The following GALNT13 variants were observed in gnomAD, a reference collection of about 807,000 sequenced individuals.
GALNT13 encodes polypeptide N-acetylgalactosaminyltransferase 13.
GALNT13 carries 28 observed loss-of-function variants against 64.2 expected under a neutral mutation model. The ratio of observed to expected loss-of-function variants is 0.44; its 90% CI spans 0.32 to 0.60. The LOEUF is 0.60. GALNT13 is among the 20% of genes least tolerant of loss of function. The pLI, the probability that GALNT13 is intolerant of heterozygous loss-of-function variation, is 0.05. For missense variants in GALNT13, 577 were observed against 669.8 expected, an observed-to-expected ratio of 0.86 and a Z score of 1.53; for synonymous variants, 214 against 224.6, an observed-to-expected ratio of 0.95 and a Z score of 0.42.
At chr2:153,943,178 C>T (rs1175399568) in intron 2 of GALNT13, among the ~76,000 whole-genome samples, 1 of 152,018 alleles carries the variant, frequency 6.6e-6, no homozygotes, top group East Asian at 1.9e-4. Flanking sequence ...ATAAATAAAA[C>T]AAATAAGTGT....
the GALNT13 span, among the ~76,000 whole-genome samples, chr2:153,589,783 C>G: frequency 2.0e-5 from 3 of 152,174 alleles, no homozygotes; most frequent in African/African-American, 7.2e-5. Flanking sequence ...GAGAACAGCA[C>G]GGGAAAGATT....
the GALNT13 span, among the ~76,000 whole-genome samples, chr2:153,078,083 A>G: frequency 1.8e-4 from 27 of 150,574 alleles, no homozygotes; most frequent in African/African-American, 6.6e-4. Flanking sequence ...CTTCTACCCT[A>G]CTTTCTTCCT....
At chr2:154,449,962 A>G (rs549420501) in intron 12 of GALNT13, among the ~76,000 whole-genome samples, 1 of 152,184 alleles carries the variant, frequency 6.6e-6, no homozygotes, top group East Asian at 1.9e-4. Flanking sequence ...AGTATTTTGA[A>G]ATGGGAACAT....
chr2:154,005,544 A>G (rs1265337869), intron 3 of GALNT13, among the ~76,000 whole-genome samples: 2 of 152,294 alleles, frequency 1.3e-5, no homozygotes, highest in African/African-American at 4.8e-5. Context: ...GAGAAACAAC[A>G]CTGGAATCTA....
the GALNT13 span, among the ~76,000 whole-genome samples, chr2:153,547,940 G>T: frequency 6.6e-6 from 1 of 152,160 alleles, no homozygotes; most frequent in South Asian, 2.1e-4. Context: ...TGTAAAAATG[G>T]AAAGAGATAA....
chr2:153,165,848 A>G, the GALNT13 span, among the ~76,000 whole-genome samples: 2 of 152,232 alleles, frequency 1.3e-5, no homozygotes, highest in Non-Finnish European at 2.9e-5. Flanking sequence ...ATAAAGAAGC[A>G]AAGATGGTTT....
chr2:153,386,800 G>A, the GALNT13 span, among the ~76,000 whole-genome samples: 483 of 152,174 alleles, frequency 3.2e-3, 5 homozygotes, highest in Middle Eastern at 3.4e-3. Context: ...GCCTCTGGGA[G>A]AAATAAATTT....
At chr2:154,437,852 T>TAA (rs10714112) in intron 11 of GALNT13, 15 of 116,774 alleles carry the variant, frequency 1.3e-4, no homozygotes, top group South Asian at 9.8e-4. Context: ...AGACTCCATC[T>TAA]AAAAAAAAAA....
the GALNT13 span, among the ~76,000 whole-genome samples, chr2:153,116,829 T>C: frequency 7.5e-6 from 1 of 133,274 alleles, no homozygotes; most frequent in African/African-American, 2.8e-5. Flanking sequence ...AGATGGAGTC[T>C]CACTCTGTCC....
At chr2:153,417,467 G>A in the GALNT13 span, among the ~76,000 whole-genome samples, 2 of 152,160 alleles carry the variant, frequency 1.3e-5, no homozygotes, top group Non-Finnish European at 2.9e-5. Context: ...GGATAAGGAG[G>A]ATATTGCCAT....
the GALNT13 span, among the ~76,000 whole-genome samples, chr2:153,621,073 G>A: frequency 6.6e-6 from 1 of 152,068 alleles, no homozygotes; most frequent in Non-Finnish European, 1.5e-5. Flanking sequence ...ACCAGACAGA[G>A]ACTCTTGTAC....
the GALNT13 span, among the ~76,000 whole-genome samples, chr2:153,764,472 G>T: frequency 6.6e-6 from 1 of 152,138 alleles, no homozygotes; most frequent in Non-Finnish European, 1.5e-5. Flanking sequence ...GGAGGTGGAG[G>T]TTGCAGTGAG....
At chr2:154,122,601 A>G (rs1322504656) in intron 3 of GALNT13, among the ~76,000 whole-genome samples, 1 of 152,006 alleles carries the variant, frequency 6.6e-6, no homozygotes, top group Non-Finnish European at 1.5e-5. Flanking sequence ...CTTCTACAAC[A>G]GGTATAGGAT....
intron 9 of GALNT13, among the ~76,000 whole-genome samples, chr2:154,351,609 G>T (rs1370611888): frequency 6.8e-6 from 1 of 146,044 alleles, no homozygotes; most frequent in East Asian, 2.2e-4. Context: ...CGTGAACCCT[G>T]GAGGCGGAGT....
chr2:153,410,370 A>G, the GALNT13 span, among the ~76,000 whole-genome samples: 2 of 152,194 alleles, frequency 1.3e-5, no homozygotes, highest in African/African-American at 4.8e-5. Flanking sequence ...TGCTGAGATT[A>G]CAGGCATGAG....
At chr2:153,279,977 C>T in the GALNT13 span, among the ~76,000 whole-genome samples, 5 of 152,096 alleles carry the variant, frequency 3.3e-5, no homozygotes, top group Admixed American at 6.5e-5. Flanking sequence ...TAGAAGTTTG[C>T]TATGAATCCA....
chr2:153,795,789 A>G, the GALNT13 span, among the ~76,000 whole-genome samples: 13 of 152,276 alleles, frequency 8.5e-5, no homozygotes, highest in African/African-American at 3.1e-4. Context: ...ATTACCCTCA[A>G]TTTGATAAGC....
the GALNT13 span, among the ~76,000 whole-genome samples, chr2:153,616,978 G>A: frequency 1.3e-5 from 2 of 151,988 alleles, no homozygotes; most frequent in Non-Finnish European, 2.9e-5. Context: ...AAGAAAGAGA[G>A]AGGTCTCAAA....
intron 8 of GALNT13, among the ~76,000 whole-genome samples, chr2:154,283,919 G>A (rs1373430273): frequency 6.6e-6 from 1 of 152,206 alleles, no homozygotes; most frequent in East Asian, 1.9e-4. Flanking sequence ...GAAAACAAAT[G>A]TGGGCTGTGC....
Sources: gnomAD v4.1 joint callset for allele counts (sites outside exome capture counted in the v4.1 genomes callset) on GRCh38, gnomAD v4.1.1 for gene constraint, MANE v1.5 for transcripts, NCBI Gene and HGNC (gene_info 2026-07-23, HGNC 2026-07-21) for gene names.